Variants in KLF12 observed in about 807,000 individuals in gnomAD.
The protein encoded by KLF12 is KLF transcription factor 12.
In KLF12, 9 loss-of-function variants were observed where a neutral mutation model predicts 37.8. The observed-to-expected ratio is 0.24, with a 90% CI of 0.14 to 0.42. The LOEUF (loss-of-function observed/expected upper bound fraction) is 0.42. Ranked by LOEUF, KLF12 falls within the 10% of genes least tolerant of loss-of-function variation. The pLI is 1.00. For synonymous variants in KLF12, 208 were observed against 202.1 expected (o/e 1.03, Z -0.25); for missense variants, 411 against 516.0 (o/e 0.80, Z 1.97).
chr13:73,830,255 G>A (rs1884082708), intron 4 of KLF12, among the ~76,000 whole-genome samples: 1 of 151,144 alleles, frequency 6.6e-6, no homozygotes, highest in Non-Finnish European at 1.5e-5. Context: ...ATAACTTCCA[G>A]AACGTGACAG....
chr13:73,974,419 C>T (rs1351276139), intron 2 of KLF12, among the ~76,000 whole-genome samples: 1 of 152,068 alleles, frequency 6.6e-6, no homozygotes, highest in African/African-American at 2.4e-5. Flanking sequence ...CACTCAATGC[C>T]AGAAGACAAA....
rs1046738900 is a variant in KLF12 at position 74,082,147 on chromosome 13, G to A, written c.-32+51592C>T. ...ATTCAAGACAAAACTGGGCAACATAGCAAGACCCTGTCTCTTAAAAAAAAA... is the reference window on the plus strand; with the variant it reads ...ATTCAAGACAAAACTGGGCAACATAACAAGACCCTGTCTCTTAAAAAAAAA... On this transcript the variant is annotated intron_variant, in intron 1 of 7. Transcript: ENST00000377669. 3.6e-5 allele frequency among the ~76,000 whole-genome samples: 4 copies of A among 112,568 alleles called. No individual in the cohort carries two copies. The Admixed American group carries it at 3.9e-4, about 11-fold the overall frequency. The allele number at this position is 112,568 out of a possible 152,430, so 73.8% of individuals were successfully genotyped here.
chr13:74,209,077 A>G, the KLF12 span, among the ~76,000 whole-genome samples: 1 of 152,078 alleles, frequency 6.6e-6, no homozygotes, highest in East Asian at 1.9e-4. Flanking sequence ...AGAAATATTA[A>G]AAAAAAGTCT....
the KLF12 span, among the ~76,000 whole-genome samples, chr13:74,151,617 C>T: frequency 2.3e-4 from 35 of 152,002 alleles, no homozygotes; most frequent in Non-Finnish European, 1.5e-4. Flanking sequence ...CGCACCACTG[C>T]ACTCCAGCCT....
At chr13:73,832,072 T>A (rs1594143873) in intron 4 of KLF12, among the ~76,000 whole-genome samples, 1 of 152,202 alleles carries the variant, frequency 6.6e-6, no homozygotes, top group Admixed American at 6.5e-5. Context: ...AGACGGAGGA[T>A]CTTGAGTCCT....
the KLF12 span, among the ~76,000 whole-genome samples, chr13:74,294,153 C>T: frequency 1.8e-4 from 27 of 152,302 alleles, no homozygotes; most frequent in Admixed American, 2.6e-4. Flanking sequence ...GTCTGTGAAC[C>T]ACACTTTGAG....
chr13:73,860,369 A>C (rs1885855645), intron 3 of KLF12, among the ~76,000 whole-genome samples: 1 of 152,164 alleles, frequency 6.6e-6, no homozygotes, highest in African/African-American at 2.4e-5. Flanking sequence ...CCCAGTACAA[A>C]GTAAGCACTT....
At chr13:74,225,875 T>C in the KLF12 span, among the ~76,000 whole-genome samples, 1 of 152,080 alleles carries the variant, frequency 6.6e-6, no homozygotes, top group Admixed American at 6.6e-5. Context: ...TGAGACATAG[T>C]GAATAGCATA....
At chr13:73,995,176 G>C in intron 1 of KLF12, 123 bp from the exon 2 acceptor site, 1 of 638,122 alleles carries the variant, frequency 1.6e-6, no homozygotes, top group Non-Finnish European at 2.7e-6. Context: ...ATAGAGCTGA[G>C]GAATATCTTT....
At chr13:74,271,025 A>C in the KLF12 span, among the ~76,000 whole-genome samples, 35,229 of 151,966 alleles carry the variant, frequency 0.23, 4,357 homozygotes, top group South Asian at 0.38. Context: ...GTGAGTGTGC[A>C]TTACTGCCTG....
intron 2 of KLF12, among the ~76,000 whole-genome samples, chr13:73,948,601 G>A (rs1443218851): frequency 1.3e-5 from 2 of 152,156 alleles, no homozygotes; most frequent in African/African-American, 4.8e-5. Flanking sequence ...TATAGAAAAA[G>A]TATCAGAATC....
At chr13:74,146,939 C>T in the KLF12 span, among the ~76,000 whole-genome samples, 3 of 152,248 alleles carry the variant, frequency 2.0e-5, no homozygotes, top group African/African-American at 4.8e-5. Flanking sequence ...ATCCTATACC[C>T]GATACTGGTG....
chr13:73,810,716 T>C (rs2138416773), intron 5 of KLF12, among the ~76,000 whole-genome samples: 1 of 152,214 alleles, frequency 6.6e-6, no homozygotes, highest in East Asian at 1.9e-4. Flanking sequence ...TTAAAATGTC[T>C]ATGGAATGTA....
intron 6 of KLF12, among the ~76,000 whole-genome samples, chr13:73,753,665 T>TA (rs68139735): frequency 5.2e-4 from 74 of 141,802 alleles, no homozygotes; most frequent in African/African-American, 8.1e-4. Flanking sequence ...CTACCAAGTG[T>TA]AAAAAAAAAA....
chr13:74,151,816 C>T, the KLF12 span, among the ~76,000 whole-genome samples: 16 of 151,988 alleles, frequency 1.1e-4, no homozygotes, highest in African/African-American at 2.9e-4. Flanking sequence ...GAAGACATTA[C>T]GGTAATGACA....
the KLF12 span, among the ~76,000 whole-genome samples, chr13:74,232,971 C>T: frequency 5.9e-5 from 9 of 152,078 alleles, no homozygotes; most frequent in African/African-American, 1.9e-4. Flanking sequence ...CTGCAACCTC[C>T]GCCTCCTGGG....
chr13:74,016,549 G>A (rs1036957223), intron 1 of KLF12, among the ~76,000 whole-genome samples: 1 of 152,090 alleles, frequency 6.6e-6, no homozygotes, highest in Non-Finnish European at 1.5e-5. Context: ...TTTTGGTAGA[G>A]ACGAGGTCTT....
chr13:74,111,420 C>G (rs943647120), intron 1 of KLF12, among the ~76,000 whole-genome samples: 1 of 151,974 alleles, frequency 6.6e-6, no homozygotes, highest in Non-Finnish European at 1.5e-5. Context: ...AAATGAATCA[C>G]CTTATAAGAG....
At chr13:74,275,711 T>C in the KLF12 span, among the ~76,000 whole-genome samples, 3 of 151,818 alleles carry the variant, frequency 2.0e-5, no homozygotes, top group Admixed American at 2.0e-4. Context: ...TTTTTTTTTT[T>C]TCTAGACACA....
Sources: allele counts gnomAD v4.1 joint callset (sites outside exome capture counted in the v4.1 genomes callset), GRCh38; gene constraint gnomAD v4.1.1; transcripts MANE v1.5; gene names NCBI Gene and HGNC (gene_info 2026-07-23, HGNC 2026-07-21).